Variants in GALNT13 observed in about 807,000 individuals in gnomAD.
The protein encoded by GALNT13 is UDP-GalNAc:polypeptide N-acetylgalactosaminyltransferase 13.
Under a neutral mutation model 64.2 loss-of-function variants are expected in GALNT13, and 28 were observed. The ratio of observed to expected loss-of-function variants is 0.44; its 90% CI spans 0.32 to 0.60. The LOEUF (loss-of-function observed/expected upper bound fraction) is 0.60. GALNT13 is among the 20% of genes least tolerant of loss of function. The pLI is 0.05. For missense variants in GALNT13, 577 were observed against 669.8 expected (o/e 0.86, Z 1.53); for synonymous variants, 214 against 224.6 (o/e 0.95, Z 0.42).
At chr2:154,399,406 T>C (rs931338298) in intron 10 of GALNT13, among the ~76,000 whole-genome samples, 1 of 152,196 alleles carries the variant, frequency 6.6e-6, no homozygotes, top group Admixed American at 6.5e-5. Context: ...CCAACCGATT[T>C]AGTGTCTGAT....
chr2:154,067,663 A>G (rs1700538849), intron 3 of GALNT13, among the ~76,000 whole-genome samples: 1 of 152,102 alleles, frequency 6.6e-6, no homozygotes, highest in African/African-American at 2.4e-5. Context: ...AAAAAGAGAC[A>G]AAGAAACATT....
chr2:153,078,349 C>T, the GALNT13 span, among the ~76,000 whole-genome samples: 1 of 143,128 alleles, frequency 7.0e-6, no homozygotes, highest in Non-Finnish European at 1.5e-5. Flanking sequence ...GATGGAGTCT[C>T]ACTCCAGGCT....
At chr2:153,093,709 A>G in the GALNT13 span, among the ~76,000 whole-genome samples, 1 of 152,084 alleles carries the variant, frequency 6.6e-6, no homozygotes, top group African/African-American at 2.4e-5. Context: ...GTTTGGAAGT[A>G]TTCACTCCTC....
At chr2:153,300,324 G>A in the GALNT13 span, among the ~76,000 whole-genome samples, 2 of 152,142 alleles carry the variant, frequency 1.3e-5, no homozygotes, top group African/African-American at 4.8e-5. Context: ...TAATTGATAT[G>A]AGAGATGTTG....
chr2:153,409,960 C>CTTAA, the GALNT13 span, among the ~76,000 whole-genome samples: 1 of 152,096 alleles, frequency 6.6e-6, no homozygotes, highest in Non-Finnish European at 1.5e-5. Flanking sequence ...GAAAAAATAT[C>CTTAA]TTAAGAGTTT....
the GALNT13 span, among the ~76,000 whole-genome samples, chr2:153,427,258 T>A: frequency 6.6e-6 from 1 of 151,894 alleles, no homozygotes; most frequent in Non-Finnish European, 1.5e-5. Context: ...AGTTGAAAAA[T>A]AAGGCTAAAT....
At chr2:153,915,031 C>T (rs1689236481) in intron 2 of GALNT13, among the ~76,000 whole-genome samples, 1 of 152,122 alleles carries the variant, frequency 6.6e-6, no homozygotes. Flanking sequence ...GGCCCAAGCT[C>T]CTCCTGGAGT....
the GALNT13 span, among the ~76,000 whole-genome samples, chr2:153,718,309 G>A: frequency 6.6e-6 from 1 of 151,928 alleles, no homozygotes; most frequent in African/African-American, 2.4e-5. Flanking sequence ...TCCAAAGCCA[G>A]GACACAAAGT....
At chr2:153,305,946 G>C in the GALNT13 span, among the ~76,000 whole-genome samples, 4 of 152,132 alleles carry the variant, frequency 2.6e-5, no homozygotes, top group South Asian at 8.3e-4. Context: ...GTTTTGCCGT[G>C]TTCTCCCACC....
intron 9 of GALNT13, among the ~76,000 whole-genome samples, chr2:154,354,638 G>C (rs1479767682): frequency 2.0e-5 from 3 of 150,052 alleles, no homozygotes; most frequent in Non-Finnish European, 4.4e-5. Flanking sequence ...TTTGAATGTG[G>C]AAACTCACTT....
chr2:154,175,845 A>G (rs1685618720), intron 4 of GALNT13, among the ~76,000 whole-genome samples: 1 of 152,170 alleles, frequency 6.6e-6, no homozygotes, highest in African/African-American at 2.4e-5. Context: ...TTCTTATGAA[A>G]AATCTATGAT....
chr2:154,184,074 T>G (rs1686116108), intron 4 of GALNT13, among the ~76,000 whole-genome samples: 1 of 151,724 alleles, frequency 6.6e-6, no homozygotes, highest in Non-Finnish European at 1.5e-5. Context: ...TTATTTGAAT[T>G]TATAAATTTA....
chr2:153,118,146 C>CACACA, the GALNT13 span, among the ~76,000 whole-genome samples: 18 of 144,500 alleles, frequency 1.2e-4, 5 homozygotes, highest in Non-Finnish European at 2.1e-4. Context: ...CACACACACA[C>CACACA]CCCACATAAA....
chr2:153,875,903 C>A (rs1686335151), intron 1 of GALNT13, among the ~76,000 whole-genome samples: 1 of 152,122 alleles, frequency 6.6e-6, no homozygotes, highest in Non-Finnish European at 1.5e-5. Flanking sequence ...TTGCAACAAA[C>A]AACACATTCT....
At chr2:153,208,973 C>CTTTTTT in the GALNT13 span, among the ~76,000 whole-genome samples, 1,981 of 74,646 alleles carry the variant, frequency 0.027, 272 homozygotes, top group East Asian at 0.041. Flanking sequence ...TGGTTTTGGT[C>CTTTTTT]TTTTTTTTTT....
chr2:153,670,131 G>A, the GALNT13 span, among the ~76,000 whole-genome samples: 2 of 152,182 alleles, frequency 1.3e-5, no homozygotes, highest in African/African-American at 2.4e-5. Context: ...TGAACAAAAG[G>A]CAGCAGACAG....
At chr2:153,852,977 G>T in the GALNT13 span, among the ~76,000 whole-genome samples, 2 of 152,152 alleles carry the variant, frequency 1.3e-5, no homozygotes, top group African/African-American at 4.8e-5. Context: ...GAGCAAGGAA[G>T]TCAGTGTGAG....
At chr2:154,405,625 G>A (rs1240378178) in intron 10 of GALNT13, among the ~76,000 whole-genome samples, 1 of 151,562 alleles carries the variant, frequency 6.6e-6, no homozygotes, top group Non-Finnish European at 1.5e-5. Flanking sequence ...GTGATGGTGG[G>A]CACCTGTAAT....
At chr2:154,222,100 C>CT (rs1335983995) in intron 4 of GALNT13, among the ~76,000 whole-genome samples, 1 of 152,036 alleles carries the variant, frequency 6.6e-6, no homozygotes, top group African/African-American at 2.4e-5. Flanking sequence ...ACCATTTATT[C>CT]TTTACATACC....
Sources: gnomAD v4.1 joint callset for allele counts (sites outside exome capture counted in the v4.1 genomes callset) on GRCh38, gnomAD v4.1.1 for gene constraint, MANE v1.5 for transcripts, NCBI Gene and HGNC (gene_info 2026-07-23, HGNC 2026-07-21) for gene names.